DLGAP1: variants seen among roughly 807,000 people sequenced by gnomAD.
DLGAP1 encodes the protein disks large-associated protein 1.
DLGAP1 carries 11 observed loss-of-function variants against 90.8 expected under a neutral mutation model. That is an observed-to-expected ratio of 0.12 (90% CI 0.08 to 0.20). The LOEUF (loss-of-function observed/expected upper bound fraction) is 0.20. Ranked by LOEUF, DLGAP1 falls within the 10% of genes least tolerant of loss-of-function variation. The pLI is 1.00. For missense variants in DLGAP1, 1,050 were observed against 1,333.8 expected (o/e 0.79, Z 3.31); for synonymous variants, 558 against 540.7 (o/e 1.03, Z -0.44).
chr18:4,331,884 T>C (rs966865421), intron 1 of DLGAP1, among the ~76,000 whole-genome samples: 3 of 151,894 alleles, frequency 2.0e-5, no homozygotes, highest in African/African-American at 7.3e-5. Context: ...TCTCAACAAA[T>C]ATTTGTTCAA....
chr18:3,880,944 G>GA (rs1173817359), intron 3 of DLGAP1, among the ~76,000 whole-genome samples: 2,099 of 38,278 alleles, frequency 0.055, 68 homozygotes, highest in African/African-American at 0.085. Context: ...CTCCATCTCA[G>GA]AAAAAAAAAA....
intron 2 of DLGAP1, among the ~76,000 whole-genome samples, chr18:4,127,734 T>G (rs2076252373): frequency 6.6e-6 from 1 of 152,182 alleles, no homozygotes; most frequent in African/African-American, 2.4e-5. Context: ...AATGGTGAAT[T>G]AAGACCTCAG....
At chr18:3,642,419 T>A (rs546519572) in intron 7 of DLGAP1, among the ~76,000 whole-genome samples, 2 of 152,358 alleles carry the variant, frequency 1.3e-5, no homozygotes. Context: ...ACCTGGCATA[T>A]GTAAATGTGA....
intron 3 of DLGAP1, among the ~76,000 whole-genome samples, chr18:4,002,755 C>T (rs907779366): frequency 5.9e-5 from 9 of 152,080 alleles, no homozygotes; most frequent in South Asian, 4.2e-4. Flanking sequence ...CACATTATTC[C>T]GGGGTCAACT....
At chr18:4,417,166 G>A (rs1012285407) in intron 1 of DLGAP1, among the ~76,000 whole-genome samples, 1 of 152,104 alleles carries the variant, frequency 6.6e-6, no homozygotes, top group Non-Finnish European at 1.5e-5. Context: ...GTTTTATGAT[G>A]TGTGACTGTG....
intron 7 of DLGAP1, among the ~76,000 whole-genome samples, chr18:3,712,441 C>T (rs1448117301): frequency 6.6e-6 from 1 of 152,214 alleles, no homozygotes; most frequent in Non-Finnish European, 1.5e-5. Flanking sequence ...AAAGTCTCAC[C>T]TGGGGCTCAT....
intron 1 of DLGAP1, among the ~76,000 whole-genome samples, chr18:4,173,138 G>GTCA (rs1441025744): frequency 3.3e-5 from 5 of 152,196 alleles, no homozygotes; most frequent in Admixed American, 6.5e-5. Context: ...TGATTAAAGT[G>GTCA]GTGATGATGT....
At chr18:4,095,556 G>A (rs1039504682) in intron 2 of DLGAP1, among the ~76,000 whole-genome samples, 1 of 152,126 alleles carries the variant, frequency 6.6e-6, no homozygotes, top group Non-Finnish European at 1.5e-5. Context: ...GATAGTAAGA[G>A]ATGATCAAGT....
At chr18:3,685,387 C>A (rs969136671) in intron 7 of DLGAP1, among the ~76,000 whole-genome samples, 2 of 151,532 alleles carry the variant, frequency 1.3e-5, no homozygotes, top group African/African-American at 4.9e-5. Flanking sequence ...CACAGTGAAA[C>A]CCCGTCTCTA....
chr18:4,059,916 TGTCC>T (rs2143266958), intron 2 of DLGAP1, among the ~76,000 whole-genome samples: 1 of 152,246 alleles, frequency 6.6e-6, no homozygotes, highest in South Asian at 2.1e-4. Context: ...CTTTAGAAGT[TGTCC>T]GGCCCCCTCC....
At chr18:4,402,641 G>T (rs1219674498) in intron 1 of DLGAP1, among the ~76,000 whole-genome samples, 2 of 152,148 alleles carry the variant, frequency 1.3e-5, no homozygotes, top group Non-Finnish European at 2.9e-5. Context: ...TGTTACCATT[G>T]TAGAGTATTG....
intron 8 of DLGAP1, chr18:3,580,651 G>A (rs550586628): frequency 4.4e-5 from 71 of 1,605,994 alleles, no homozygotes; most frequent in Non-Finnish European, 5.3e-5. Context: ...ACCCAGAGGC[G>A]AGGAGATTGC....
intron 2 of DLGAP1, among the ~76,000 whole-genome samples, chr18:4,078,446 G>A (rs192517969): frequency 2.0e-5 from 3 of 152,296 alleles, no homozygotes; most frequent in Non-Finnish European, 4.4e-5. Context: ...AGGGACCTAG[G>A]AATGGACGTT....
chr18:4,006,444 A>T (rs1280440072), intron 2 of DLGAP1, among the ~76,000 whole-genome samples: 1 of 151,856 alleles, frequency 6.6e-6, no homozygotes, highest in Non-Finnish European at 1.5e-5. Context: ...GAAAACTACC[A>T]CTCTGTTCTC....
chr18:3,734,753 G>T (rs59816859), intron 6 of DLGAP1, among the ~76,000 whole-genome samples: 33,661 of 151,888 alleles, frequency 0.22, 4,598 homozygotes, highest in East Asian at 0.5. Flanking sequence ...CTTTGACCAA[G>T]ATTCTTTTGG....
chr18:4,249,835 C>T (rs1339386201), intron 1 of DLGAP1, among the ~76,000 whole-genome samples: 2 of 152,190 alleles, frequency 1.3e-5, no homozygotes, highest in Non-Finnish European at 2.9e-5. Flanking sequence ...GTGATCCTCA[C>T]GTCTCAGCCT....
In DLGAP1 at chr18:3,858,183, C is replaced by T. The variant is rs558034200; in HGVS notation, c.957+20929G>A. 2.0e-5 allele frequency among the ~76,000 whole-genome samples: 3 copies of T among 152,180 alleles called. No homozygotes were observed. In the South Asian group the frequency reaches 6.2e-4, roughly 32 times the overall value. Reference sequence around the variant, plus strand: ...CTCAGTTGGAAGTATTGACAGGCACCCAATTTTTCAAACTATAAATTTTTC... The same window carrying T: ...CTCAGTTGGAAGTATTGACAGGCACTCAATTTTTCAAACTATAAATTTTTC... On this transcript the variant is annotated intron_variant, in intron 4 of 12. Transcript: ENST00000315677.
At chr18:4,354,157 T>C (rs9955388) in intron 1 of DLGAP1, among the ~76,000 whole-genome samples, 46,874 of 152,146 alleles carry the variant, frequency 0.31, 8,288 homozygotes, top group South Asian at 0.48. Context: ...TCTGGCCTTC[T>C]GCCCTTCTTT....
At chr18:4,209,326 G>T (rs1352489256) in intron 1 of DLGAP1, among the ~76,000 whole-genome samples, 1 of 152,092 alleles carries the variant, frequency 6.6e-6, no homozygotes, top group Non-Finnish European at 1.5e-5. Flanking sequence ...CTTTCCAGAA[G>T]ACAAAAGGGC....
Sources: allele counts gnomAD v4.1 joint callset (sites outside exome capture counted in the v4.1 genomes callset), GRCh38; gene constraint gnomAD v4.1.1; transcripts MANE v1.5; gene names NCBI Gene and HGNC (gene_info 2026-07-23, HGNC 2026-07-21).